The following ANO4 variants were observed in gnomAD, a reference collection of about 807,000 sequenced individuals.
ANO4 encodes anoctamin 4.
In ANO4, 69 loss-of-function variants were observed where a neutral mutation model predicts 141.9. The ratio of observed to expected loss-of-function variants is 0.49; its 90% CI spans 0.40 to 0.59. The LOEUF is 0.59. Among genes scored for constraint, ANO4 ranks in the 20% least tolerant of loss-of-function variants. ANO4 has a pLI of 0.00. For missense variants in ANO4, 894 were observed against 1,162.2 expected (o/e 0.77, Z 3.36); for synonymous variants, 350 against 394.3 (o/e 0.89, Z 1.33).
intron 3 of ANO4, among the ~76,000 whole-genome samples, chr12:100,757,230 A>G (rs1362269435): frequency 2.6e-5 from 4 of 151,798 alleles, no homozygotes; most frequent in Non-Finnish European, 5.9e-5. Flanking sequence ...TCTATCCCCA[A>G]TCTCCCTGCC....
intron 3 of ANO4, among the ~76,000 whole-genome samples, chr12:100,936,660 G>A (rs986160933): frequency 2.0e-5 from 3 of 151,958 alleles, no homozygotes; most frequent in South Asian, 2.1e-4. Context: ...CTCACACCCC[G>A]TCCTAAACCA....
chr12:100,727,948 G>A (rs2031205901), intron 1 of ANO4, among the ~76,000 whole-genome samples: 2 of 152,122 alleles, frequency 1.3e-5, no homozygotes, highest in South Asian at 4.2e-4. Context: ...ATTATATTTT[G>A]TTTAACTAAC....
At chr12:100,901,423 T>A (rs1437340029) in intron 1 of ANO4, among the ~76,000 whole-genome samples, 2 of 152,148 alleles carry the variant, frequency 1.3e-5, no homozygotes, top group African/African-American at 2.4e-5. Context: ...TTTCCCAGCA[T>A]TTTGGAAGGA....
chr12:101,097,852 A>G lies in ANO4; in HGVS notation c.1913A>G (p.His638Arg). The change falls in exon 21 of 28, where the codon CAC becomes CGC. Residue 638 changes from histidine to arginine, a missense_variant. Coordinates refer to ENST00000392977, the MANE Select transcript of ANO4 (RefSeq NM_001286615.2). ...CTGTGTTTGCTTACCTTGCAGTGCC[A>G]CCCTAGTGGATGCCTTATTGATCTG... is the stretch of plus-strand genomic sequence containing the variant. ...LINRWRLEEC[H>R]PSGCLIDLCM... The G allele has an allele frequency of 6.2e-7, 1 of 1,613,680 alleles. No individual in the cohort carries two copies. Among genetic ancestry groups the G allele is most frequent in the African/African-American group, 1.3e-5 (1 of 75,002 alleles).
chr12:100,918,522 A>G (rs1298690604), intron 2 of ANO4, among the ~76,000 whole-genome samples: 2 of 152,134 alleles, frequency 1.3e-5, no homozygotes, highest in African/African-American at 4.8e-5. Context: ...CTTTTTCATC[A>G]GTGATGGACC....
intron 1 of ANO4, among the ~76,000 whole-genome samples, chr12:100,850,307 G>A (rs1297920182): frequency 6.6e-6 from 1 of 152,154 alleles, no homozygotes; most frequent in Non-Finnish European, 1.5e-5. Flanking sequence ...GGTCTAGGAG[G>A]ACATGGTTCT....
intron 1 of ANO4, among the ~76,000 whole-genome samples, chr12:100,882,689 T>C (rs1331362272): frequency 6.6e-6 from 1 of 151,806 alleles, no homozygotes; most frequent in Non-Finnish European, 1.5e-5. Flanking sequence ...TTTTTGTTTG[T>C]TTTTTGTTTT....
At chr12:100,981,455 GAAGGAAGA>G (rs1219530790) in intron 7 of ANO4, among the ~76,000 whole-genome samples, 3 of 146,476 alleles carry the variant, frequency 2.0e-5, no homozygotes, top group Admixed American at 7.1e-5. Flanking sequence ...AGGAAGGAAG[GAAGGAAGA>G]AAGGAAGGGA....
At chr12:101,036,704 G>A (rs1048455190) in intron 9 of ANO4, among the ~76,000 whole-genome samples, 15 of 152,268 alleles carry the variant, frequency 9.9e-5, no homozygotes, top group African/African-American at 3.4e-4. Flanking sequence ...TGGGGAACAT[G>A]GGGAGGTGTT....
intron 1 of ANO4, among the ~76,000 whole-genome samples, chr12:100,870,017 T>C (rs2038954304): frequency 6.6e-6 from 1 of 152,214 alleles, no homozygotes; most frequent in Admixed American, 6.5e-5. Context: ...ATGATCAATC[T>C]AATCCTGGAA....
At position 101,009,320 on chromosome 12, in the gene ANO4, A is replaced by G. The variant is rs375258257; in HGVS notation, c.735-10714A>G. 2.2e-3 allele frequency among the ~76,000 whole-genome samples: 337 copies of G among 151,872 alleles called. 2 individuals are homozygous for G. The highest frequency in any genetic ancestry group is 6.9e-3 in the African/African-American group (287 of 41,382). On this transcript the variant is annotated intron_variant, in intron 8 of 27. Coordinates refer to ENST00000392977, the MANE Select transcript of ANO4 (RefSeq NM_001286615.2). ...AAGGAGAGAAAATTTAGAAGAAAAA[A>G]CTCTGCTGACAGCTTGATCTTGGAC...
chr12:100,959,637 G>A (rs1356504533), intron 5 of ANO4, among the ~76,000 whole-genome samples: 1 of 152,152 alleles, frequency 6.6e-6, no homozygotes, highest in Non-Finnish European at 1.5e-5. Flanking sequence ...GGCCTCACCA[G>A]CAGCTTTCCT....
At chr12:101,048,189 A>G (rs1338050967) in intron 13 of ANO4, 152 bp from the exon 14 acceptor site, 13 of 1,023,550 alleles carry the variant, frequency 1.3e-5, no homozygotes, top group Non-Finnish European at 1.8e-5. Flanking sequence ...GCCTTTTCTT[A>G]TTTATGGTTC....
At chr12:101,116,858 T>G in intron 25 of ANO4, 60 bp downstream of exon 25, 1 of 1,610,788 alleles carries the variant, frequency 6.2e-7, no homozygotes. Flanking sequence ...GTGGGGAGGT[T>G]TTACTCTGAA....
chr12:100,948,009 C>T (rs2042798761), intron 5 of ANO4, among the ~76,000 whole-genome samples: 1 of 151,946 alleles, frequency 6.6e-6, no homozygotes, highest in African/African-American at 2.4e-5. Context: ...TGGTGAAACC[C>T]TGTCTTTACT....
intron 1 of ANO4, among the ~76,000 whole-genome samples, chr12:100,808,804 A>G (rs1293451342): frequency 6.6e-6 from 1 of 152,224 alleles, no homozygotes; most frequent in Non-Finnish European, 1.5e-5. Context: ...TTCTGACCCT[A>G]TATTTCGAAT....
intron 5 of ANO4, among the ~76,000 whole-genome samples, chr12:100,947,085 G>A (rs868246093): frequency 2.8e-4 from 42 of 152,250 alleles, no homozygotes; most frequent in African/African-American, 9.1e-4. Flanking sequence ...CAGAGACAAC[G>A]AATACAAACA....
At chr12:100,749,997 G>T (rs1316175359) in intron 3 of ANO4, among the ~76,000 whole-genome samples, 4 of 152,150 alleles carry the variant, frequency 2.6e-5, no homozygotes, top group Non-Finnish European at 5.9e-5. Flanking sequence ...TGATACTGAA[G>T]CTTCATAGTT....
intron 3 of ANO4, among the ~76,000 whole-genome samples, chr12:100,771,154 G>A (rs952686690): frequency 1.3e-5 from 2 of 152,136 alleles, no homozygotes; most frequent in Non-Finnish European, 2.9e-5. Flanking sequence ...TTTTTGGCCA[G>A]TGAACCGACC....
Sources: gnomAD v4.1 joint callset for allele counts (sites outside exome capture counted in the v4.1 genomes callset) on GRCh38, gnomAD v4.1.1 for gene constraint, MANE v1.5 for transcripts, NCBI Gene and HGNC (gene_info 2026-07-23, HGNC 2026-07-21) for gene names.